The following LRP1B variants were observed in gnomAD, a reference collection of about 807,000 sequenced individuals.
The protein encoded by LRP1B is LDL receptor related protein 1B.
LRP1B carries 217 observed loss-of-function variants against 556.6 expected under a neutral mutation model. That is an observed-to-expected ratio of 0.39 (90% CI 0.35 to 0.44). LRP1B has a LOEUF of 0.44. Among genes scored for constraint, LRP1B ranks in the 20% least tolerant of loss-of-function variants. LRP1B has a pLI of 1.00. For missense variants in LRP1B, 5,053 were observed against 5,620.8 expected (o/e 0.90, Z 3.23); for synonymous variants, 2,047 against 1,865.8 (o/e 1.10, Z -2.50).
At chr2:141,793,803 T>C (rs1695704822) in intron 2 of LRP1B, among the ~76,000 whole-genome samples, 1 of 151,958 alleles carries the variant, frequency 6.6e-6, no homozygotes, top group East Asian at 1.9e-4. Flanking sequence ...AGGCACTTCT[T>C]TGGAATCTAA....
At chr2:141,183,653 A>T (rs1202797965) in intron 7 of LRP1B, among the ~76,000 whole-genome samples, 1 of 152,058 alleles carries the variant, frequency 6.6e-6, no homozygotes, top group East Asian at 1.9e-4. Flanking sequence ...TCTGCAAGTC[A>T]AAAGATTCAT....
At chr2:141,743,381 G>T (rs187417500) in intron 2 of LRP1B, among the ~76,000 whole-genome samples, 57 of 151,982 alleles carry the variant, frequency 3.8e-4, no homozygotes, top group African/African-American at 1.4e-3. Context: ...AGAAATATTG[G>T]TCTGTAGTTT....
chr2:140,735,308 A>T (rs1179183629), intron 35 of LRP1B, among the ~76,000 whole-genome samples: 3 of 152,206 alleles, frequency 2.0e-5, no homozygotes, highest in Non-Finnish European at 4.4e-5. Context: ...GAGTGGGATG[A>T]TTACTGCTAC....
At chr2:140,485,548 T>G in intron 58 of LRP1B, 24 bp from the exon 59 acceptor site, 1 of 1,582,518 alleles carries the variant, frequency 6.3e-7, no homozygotes, top group Non-Finnish European at 8.6e-7. Context: ...ATTTAAAAGG[T>G]TAACAGCGTA....
At chr2:141,049,885 G>A (rs936364689) in intron 10 of LRP1B, among the ~76,000 whole-genome samples, 1 of 151,874 alleles carries the variant, frequency 6.6e-6, no homozygotes, top group Non-Finnish European at 1.5e-5. Context: ...AAAACAAAAC[G>A]AAAATGAAAA....
At chr2:140,264,328 A>G (rs1682089109) in intron 86 of LRP1B, among the ~76,000 whole-genome samples, 3 of 152,146 alleles carry the variant, frequency 2.0e-5, no homozygotes, top group Non-Finnish European at 2.9e-5. Flanking sequence ...TCCCGGGTTC[A>G]AGTCATTCTC....
intron 43 of LRP1B, among the ~76,000 whole-genome samples, chr2:140,589,955 G>T (rs139685620): frequency 6.6e-6 from 1 of 152,200 alleles, no homozygotes; most frequent in East Asian, 1.9e-4. Flanking sequence ...TCTATACCCT[G>T]GTTGTGAGAT....
At chr2:141,570,708 C>G (rs1005500576) in intron 2 of LRP1B, among the ~76,000 whole-genome samples, 1 of 151,328 alleles carries the variant, frequency 6.6e-6, no homozygotes, top group Non-Finnish European at 1.5e-5. Flanking sequence ...CTGTGCTTTT[C>G]CCCCTGCTGA....
intron 66 of LRP1B, among the ~76,000 whole-genome samples, chr2:140,435,389 AAC>A (rs1686130461): frequency 6.6e-6 from 1 of 152,218 alleles, no homozygotes; most frequent in Non-Finnish European, 1.5e-5. Context: ...GAGTTTTTCA[AAC>A]AAAAATATAA....
intron 41 of LRP1B, among the ~76,000 whole-genome samples, chr2:140,641,125 T>C (rs902717203): frequency 1.3e-5 from 2 of 152,210 alleles, no homozygotes; most frequent in African/African-American, 4.8e-5. Context: ...TCCACAAAAA[T>C]TGCCAGGCTC....
chr2:140,976,047 A>G (rs1264044114), intron 18 of LRP1B, among the ~76,000 whole-genome samples: 7 of 152,012 alleles, frequency 4.6e-5, no homozygotes, highest in African/African-American at 1.7e-4. Flanking sequence ...CCTCCCAAGT[A>G]ACTGGGACTA....
chr2:141,843,303 G>C (rs779158210), intron 1 of LRP1B, among the ~76,000 whole-genome samples: 1 of 152,078 alleles, frequency 6.6e-6, no homozygotes, highest in South Asian at 2.1e-4. Context: ...GGAAGTTAGG[G>C]GTTGGTTACA....
intron 7 of LRP1B, among the ~76,000 whole-genome samples, chr2:141,135,769 A>G (rs1045432744): frequency 6.6e-6 from 1 of 151,960 alleles, no homozygotes; most frequent in Non-Finnish European, 1.5e-5. Context: ...TACTGAGTAT[A>G]TACATGTGGT....
At chr2:142,014,631 T>C (rs1031606440) in intron 1 of LRP1B, among the ~76,000 whole-genome samples, 1 of 152,138 alleles carries the variant, frequency 6.6e-6, no homozygotes, top group Non-Finnish European at 1.5e-5. Flanking sequence ...GTTAGAGCAA[T>C]GTCACAAAAA....
chr2:141,976,975 C>T (rs1031391186), intron 1 of LRP1B, among the ~76,000 whole-genome samples: 1 of 150,900 alleles, frequency 6.6e-6, no homozygotes, highest in East Asian at 1.9e-4. Flanking sequence ...CTTATAATTA[C>T]ACTTTTTAAA....
chr2:140,869,942 C>T (rs940940575), intron 25 of LRP1B, among the ~76,000 whole-genome samples: 4 of 152,046 alleles, frequency 2.6e-5, no homozygotes, highest in Admixed American at 2.0e-4. Flanking sequence ...AAGGAAATTG[C>T]AAGTTCATGG....
chr2:141,656,463 A>C (rs1395489263), intron 2 of LRP1B, among the ~76,000 whole-genome samples: 1 of 152,186 alleles, frequency 6.6e-6, no homozygotes, highest in Non-Finnish European at 1.5e-5. Context: ...TTAATATTGA[A>C]ACTTGAATAT....
chr2:141,729,073 T>C (rs550392105), intron 2 of LRP1B, among the ~76,000 whole-genome samples: 2 of 152,254 alleles, frequency 1.3e-5, no homozygotes, highest in African/African-American at 4.8e-5. Context: ...CAGCTGAGCC[T>C]CAAACTGGGT....
chr2:141,256,372 TA>T lies in LRP1B; in HGVS notation c.344-1732del, dbSNP rs879609647. ...GCTAACCTATAATGCTTGATGTAGTTAAAAAAAAAAATGAGAGCGAGACTGG... is the reference window on the plus strand; with the variant it reads ...GCTAACCTATAATGCTTGATGTAGTTAAAAAAAAAATGAGAGCGAGACTGG... On this transcript the variant is annotated intron_variant, in intron 3 of 90. Coordinates refer to ENST00000389484, the MANE Select transcript of LRP1B (RefSeq NM_018557.3). Among the ~76,000 whole-genome samples, 1,308 of 147,028 alleles carry T rather than the reference TA, an allele frequency of 8.9e-3. 12 individuals are homozygous for T. Among genetic ancestry groups the T allele is most frequent in the African/African-American group, 0.02 (813 of 40,276 alleles).
Sources: gnomAD v4.1 joint callset for allele counts (sites outside exome capture counted in the v4.1 genomes callset) on GRCh38, gnomAD v4.1.1 for gene constraint, MANE v1.5 for transcripts, NCBI Gene and HGNC (gene_info 2026-07-23, HGNC 2026-07-21) for gene names.